AKR1C2: variants seen among roughly 807,000 people sequenced by gnomAD.
AKR1C2 encodes the protein aldo-keto reductase family 1 member C2.
Under a neutral mutation model 39.8 loss-of-function variants are expected in AKR1C2, and 27 were observed. That is an observed-to-expected ratio of 0.68 (90% CI 0.50 to 0.93). AKR1C2 has a LOEUF of 0.93. AKR1C2 is among the 40% of genes least tolerant of loss of function. The pLI is 0.00. For synonymous variants in AKR1C2, 114 were observed against 137.9 expected, an observed-to-expected ratio of 0.83 and a Z score of 1.22; for missense variants, 263 against 365.1, an observed-to-expected ratio of 0.72 and a Z score of 2.28.
rs1138741 is a variant in AKR1C2, at chr10:4,989,876, G to A, written c.*120C>T. ...ATGGGCTTAGCTGTAGCTTACTGAA[G>A]TCGCCAAGCAGGAGAGATTTAACCA... is the stretch of plus-strand genomic sequence containing the variant. On this transcript the variant is annotated 3_prime_UTR_variant, in exon 9 of 9. Coordinates refer to ENST00000380753, the MANE Select transcript of AKR1C2 (RefSeq NM_001393392.1). 28 of 1,446,352 alleles carry A rather than the reference G, an allele frequency of 1.9e-5. No individual in the cohort carries two copies. Among genetic ancestry groups the A allele is most frequent in the South Asian group, 1.7e-4 (13 of 77,024 alleles). The allele number at this position is 1,446,352 out of a possible 1,614,324, so 89.6% of individuals were successfully genotyped here. A position where few individuals can be genotyped will look rare whatever the true frequency, so the allele number is the denominator to read the frequency against.
chr10:5,017,081 A>G (rs1837657490), intron 1 of AKR1C2, among the ~76,000 whole-genome samples: 1 of 152,162 alleles, frequency 6.6e-6, no homozygotes, highest in Non-Finnish European at 1.5e-5. Flanking sequence ...TTTCTCTCCT[A>G]AACCTCCAGG....
In AKR1C2 at chr10:4,988,545, T is replaced by C. The variant is rs1293897121; in HGVS notation, c.*1451A>G. On this transcript the variant is annotated 3_prime_UTR_variant, in exon 9 of 9. Transcript: ENST00000380753. ...AAAATTGGTCTAGGGCCCTCCAAAGTTTATGGCCTCTTCCAATTTTATAGA... is the reference window on the plus strand; with the variant it reads ...AAAATTGGTCTAGGGCCCTCCAAAGCTTATGGCCTCTTCCAATTTTATAGA... The C allele has an allele frequency of 6.6e-6, 1 of 152,184 alleles. No homozygotes were observed. The highest frequency in any genetic ancestry group is 1.9e-4 in the East Asian group (1 of 5,208). 9.4% of individuals were successfully genotyped at this position (152,184 alleles called of 1,614,324 possible). A position where few individuals can be genotyped will look rare whatever the true frequency, so the allele number is the denominator to read the frequency against.
chr10:4,994,211 T>C (rs1481529349), intron 7 of AKR1C2, among the ~76,000 whole-genome samples: 1 of 152,028 alleles, frequency 6.6e-6, no homozygotes, highest in African/African-American at 2.4e-5. Flanking sequence ...GTATGTATTC[T>C]GGATGTTAAT....
At chr10:5,006,694 C>A (rs533035096), upstream of AKR1C2, 1 of 151,766 alleles carries the variant, frequency 6.6e-6, no homozygotes, top group Non-Finnish European at 1.5e-5. Context: ...TTATGAGAGT[C>A]TTTGGAGGAT....
rs539063515 is a variant in AKR1C2, at chr10:5,014,016, A to C, written c.-88+3884T>G. On this transcript the variant is annotated intron_variant, in intron 1 of 6. Coordinates refer to the AKR1C2 transcript ENST00000604507. The stretch of plus-strand genomic sequence containing the variant: ...TAAAATGTCCTCAAGGTTCAACCAT[A>C]TTATTGCACGTATCTGAATTTCCTT... Among the ~76,000 whole-genome samples, 114 of 152,070 alleles carry C rather than the reference A, an allele frequency of 7.5e-4. 1 individual carries two copies. The highest frequency in any genetic ancestry group is 2.5e-3 in the African/African-American group (103 of 41,346).
intron 5 of AKR1C2, among the ~76,000 whole-genome samples, chr10:4,997,989 A>T (rs1334239278): frequency 2.0e-5 from 3 of 152,246 alleles, no homozygotes; most frequent in Non-Finnish European, 2.9e-5. Context: ...CGGGGCAGTC[A>T]TAGGTCAGCT....
intron 4 of AKR1C2, 71 bp from the exon 5 acceptor site, chr10:4,998,818 T>G: frequency 6.3e-7 from 1 of 1,596,456 alleles, no homozygotes; most frequent in Non-Finnish European, 8.5e-7. Flanking sequence ...AACATAGAAC[T>G]GTGAAAGCAA....
intron 1 of AKR1C2, among the ~76,000 whole-genome samples, chr10:5,017,664 C>T (rs1554775455): frequency 6.6e-6 from 1 of 152,168 alleles, no homozygotes; most frequent in African/African-American, 2.4e-5. Flanking sequence ...TCTGAGCCCT[C>T]TAAACTCTTC....
chr10:5,008,781 G>A (rs1467324651), upstream of AKR1C2, among the ~76,000 whole-genome samples: 1 of 152,234 alleles, frequency 6.6e-6, no homozygotes, highest in Non-Finnish European at 1.5e-5. Flanking sequence ...TTCTGAACAA[G>A]TGTTACAGTT....
chr10:5,010,448 G>C (rs777638744), intron 1 of AKR1C2: 1 of 151,944 alleles, frequency 6.6e-6, no homozygotes, highest in African/African-American at 2.4e-5. Flanking sequence ...TTCTTCCTCT[G>C]TGTATTGATG....
At chr10:5,001,748 G>A in intron 1 of AKR1C2, 67 bp from the exon 2 acceptor site, 2 of 1,599,868 alleles carry the variant, frequency 1.3e-6, no homozygotes, top group South Asian at 1.1e-5. Context: ...GGCACAAGCA[G>A]CAACGTTCAC....
chr10:5,002,214 T>C (rs1336868582), intron 1 of AKR1C2, among the ~76,000 whole-genome samples: 3 of 152,198 alleles, frequency 2.0e-5, no homozygotes, highest in African/African-American at 4.8e-5. Flanking sequence ...ACTGGATACA[T>C]TGACTCACTC....
At chr10:5,012,544 A>G (rs1332245622) in intron 1 of AKR1C2, among the ~76,000 whole-genome samples, 1 of 150,986 alleles carries the variant, frequency 6.6e-6, no homozygotes, top group Non-Finnish European at 1.5e-5. Flanking sequence ...TTGGCTTTCA[A>G]GATAGAATAA....
intron 7 of AKR1C2, among the ~76,000 whole-genome samples, chr10:4,993,441 T>C (rs1554772477): frequency 6.6e-6 from 1 of 152,166 alleles, no homozygotes; most frequent in Non-Finnish European, 1.5e-5. Context: ...AAAAATTAGA[T>C]ACGCATATTT....
At chr10:5,008,528 AC>A (rs1179998572), upstream of AKR1C2, among the ~76,000 whole-genome samples, 1 of 152,046 alleles carries the variant, frequency 6.6e-6, no homozygotes, top group Admixed American at 6.5e-5. Context: ...AAGAACTAAA[AC>A]TTTCCACAGC....
chr10:5,011,415 A>G (rs1837520178), intron 1 of AKR1C2, among the ~76,000 whole-genome samples: 1 of 152,258 alleles, frequency 6.6e-6, no homozygotes, highest in Admixed American at 6.5e-5. Flanking sequence ...CTGCACTTGT[A>G]AACTTTAATT....
Position 5,000,611 on chromosome 10 carries a change from A to G in AKR1C2, c.308T>C (p.Leu103Pro). ...ELVRPALERS[L>P]KNLQLDYVDL... ...AACATAGTCCAATTGAAGATTTTTC[A>G]GTGACCTTTCCAAGGCTGGTCGGAC... The change falls in exon 3 of 9, where the codon CTG becomes CCG. Residue 103 changes from leucine (L) to proline (P), a missense_variant. By Grantham distance (98) the Leu-to-Pro change is moderately conservative. Around this residue, in one of 3 missense-constraint regions of AKR1C2, gnomAD observed 247 missense variants for 267.9 expected, o/e 0.92. Transcript: ENST00000380753. 6.2e-7 allele frequency: 1 copy of G among 1,614,072 alleles called. No homozygotes were observed. The highest frequency in any genetic ancestry group is 8.5e-7 in the Non-Finnish European group (1 of 1,179,930).
At chr10:5,000,453 A>C in intron 3 of AKR1C2, 97 bp downstream of exon 3, 1 of 1,607,380 alleles carries the variant, frequency 6.2e-7, no homozygotes, top group Non-Finnish European at 8.5e-7. Context: ...TAAAATCCCT[A>C]TGTCCTCCTA....
chr10:5,014,586 A>G (rs545965048), intron 1 of AKR1C2, among the ~76,000 whole-genome samples: 1 of 152,098 alleles, frequency 6.6e-6, no homozygotes, highest in African/African-American at 2.4e-5. Flanking sequence ...TATCCTCAAG[A>G]GGATACTGGG....
Sources: gnomAD v4.1 joint callset for allele counts (sites outside exome capture counted in the v4.1 genomes callset) on GRCh38, gnomAD v4.1.1 for gene constraint, gnomAD v4.1.1 regional missense constraint, MANE v1.5 for transcripts, NCBI Gene and HGNC (gene_info 2026-07-23, HGNC 2026-07-21) for gene names.